The following B3GALT1 variants were observed in gnomAD, a reference collection of about 807,000 sequenced individuals.
B3GALT1 encodes the protein UDP-Gal:betaGlcNAc beta 1,3-galactosyltransferase, polypeptide 1.
In B3GALT1, 10 loss-of-function variants were observed where a neutral mutation model predicts 23.2. The ratio of observed to expected loss-of-function variants is 0.43; its 90% CI spans 0.27 to 0.73. B3GALT1 has a LOEUF of 0.73. Among genes scored for constraint, B3GALT1 ranks in the 30% least tolerant of loss-of-function variants. The pLI, the probability that B3GALT1 is intolerant of heterozygous loss-of-function variation, is 0.21. For synonymous variants in B3GALT1, 156 were observed against 141.5 expected, an observed-to-expected ratio of 1.10 and a Z score of -0.73; for missense variants, 299 against 405.4, an observed-to-expected ratio of 0.74 and a Z score of 2.25.
intron 1 of B3GALT1, among the ~76,000 whole-genome samples, chr2:167,349,887 CA>C (rs1406552835): frequency 1.3e-5 from 2 of 152,016 alleles, no homozygotes; most frequent in Non-Finnish European, 2.9e-5. Context: ...ACATCAATAG[CA>C]ATTTGTATTT....
At chr2:167,714,057 C>G in intron 3 of B3GALT1, 2 of 1,536,984 alleles carry the variant, frequency 1.3e-6, no homozygotes, top group South Asian at 1.1e-5. Context: ...TTTAAATGAC[C>G]AGGATCATCT....
At chr2:167,564,583 G>C (rs187937473) in intron 2 of B3GALT1, among the ~76,000 whole-genome samples, 1 of 152,152 alleles carries the variant, frequency 6.6e-6, no homozygotes, top group South Asian at 2.1e-4. Context: ...ACCGAGCACC[G>C]AGTGAACGAG....
intron 4 of B3GALT1, among the ~76,000 whole-genome samples, chr2:167,866,222 G>A (rs979387064): frequency 4.6e-5 from 7 of 152,200 alleles, no homozygotes; most frequent in African/African-American, 1.7e-4. Flanking sequence ...TGAGATTCAC[G>A]TTACGGCTAG....
chr2:167,780,569 A>G (rs969381181), intron 3 of B3GALT1, among the ~76,000 whole-genome samples: 1 of 152,204 alleles, frequency 6.6e-6, no homozygotes, highest in African/African-American at 2.4e-5. Flanking sequence ...GCATCTTGAC[A>G]AACTCTTAGA....
At chr2:167,350,681 G>A (rs1697295855) in intron 1 of B3GALT1, among the ~76,000 whole-genome samples, 1 of 152,180 alleles carries the variant, frequency 6.6e-6, no homozygotes, top group Non-Finnish European at 1.5e-5. Flanking sequence ...GTCCCCGTGG[G>A]GCAAGGGTTG....
At chr2:167,338,249 C>T (rs1697091309) in intron 1 of B3GALT1, among the ~76,000 whole-genome samples, 1 of 152,134 alleles carries the variant, frequency 6.6e-6, no homozygotes, top group Non-Finnish European at 1.5e-5. Context: ...GACTTTTAGT[C>T]ATCTTAGTTT....
chr2:167,349,802 G>T (rs969091886), intron 1 of B3GALT1, among the ~76,000 whole-genome samples: 1 of 152,106 alleles, frequency 6.6e-6, no homozygotes, highest in Non-Finnish European at 1.5e-5. Flanking sequence ...ATAACGGGGG[G>T]ATTGCTGCAC....
intron 3 of B3GALT1, among the ~76,000 whole-genome samples, chr2:167,789,420 C>T (rs1054957898): frequency 3.3e-5 from 5 of 152,110 alleles, no homozygotes; most frequent in East Asian, 1.9e-4. Context: ...ACCAACAACA[C>T]GAGCATGATA....
chr2:167,547,719 G>A (rs1410066500), intron 2 of B3GALT1, among the ~76,000 whole-genome samples: 1 of 142,050 alleles, frequency 7.0e-6, no homozygotes, highest in African/African-American at 2.9e-5. Flanking sequence ...AAAAAGAAGA[G>A]TCACAGAGGC....
chr2:167,464,844 C>T (rs1699320679), intron 1 of B3GALT1, among the ~76,000 whole-genome samples: 1 of 152,170 alleles, frequency 6.6e-6, no homozygotes. Context: ...TTATCCACAG[C>T]ATGATTGATC....
intron 1 of B3GALT1, among the ~76,000 whole-genome samples, chr2:167,437,126 T>A (rs1698798779): frequency 6.6e-6 from 1 of 152,104 alleles, no homozygotes; most frequent in African/African-American, 2.4e-5. Flanking sequence ...ATTTCTGAAT[T>A]CCCACTAGGT....
At chr2:167,501,299 T>C (rs963701027) in intron 2 of B3GALT1, among the ~76,000 whole-genome samples, 7 of 151,728 alleles carry the variant, frequency 4.6e-5, no homozygotes, top group African/African-American at 1.7e-4. Context: ...AAATAGCAAA[T>C]GAAAGCAAAT....
At chr2:167,806,134 G>T (rs920269797) in intron 3 of B3GALT1, among the ~76,000 whole-genome samples, 5 of 152,166 alleles carry the variant, frequency 3.3e-5, no homozygotes, top group Non-Finnish European at 7.3e-5. Context: ...CTGTTTGTCT[G>T]TTATTGGTGT....
intron 1 of B3GALT1, among the ~76,000 whole-genome samples, chr2:167,446,358 C>T (rs564519433): frequency 1.5e-4 from 23 of 152,228 alleles, no homozygotes; most frequent in African/African-American, 3.1e-4. Context: ...TTGGTCTTCT[C>T]GAGGAGTATC....
chr2:167,840,256 G>A (rs1263656192), intron 4 of B3GALT1, among the ~76,000 whole-genome samples: 2 of 151,932 alleles, frequency 1.3e-5, no homozygotes, highest in Non-Finnish European at 2.9e-5. Flanking sequence ...CACAAAATGG[G>A]AGAAAATTTT....
chr2:167,812,893 T>A (rs886136326), intron 3 of B3GALT1, among the ~76,000 whole-genome samples: 1 of 151,872 alleles, frequency 6.6e-6, no homozygotes, highest in Non-Finnish European at 1.5e-5. Context: ...TGCTCTTAAT[T>A]ATCAATACTC....
At position 167,305,995 on chromosome 2, in the gene B3GALT1, G is replaced by C. The variant is rs991866853; in HGVS notation, c.-511+12661G>C. 3.3e-5 allele frequency among the ~76,000 whole-genome samples: 5 copies of C among 152,078 alleles called. No individual in the cohort carries two copies. In the South Asian group the frequency reaches 8.3e-4, roughly 25 times the overall value. On this transcript the variant is annotated intron_variant, in intron 1 of 4. Coordinates refer to ENST00000392690, the MANE Select transcript of B3GALT1 (RefSeq NM_020981.4). Reference sequence around the variant, plus strand: ...ATACTCTTTGGTGCAATTGAAATCGGTATAGCCCTTTTGGAAAACAATTTG... The same window carrying C: ...ATACTCTTTGGTGCAATTGAAATCGCTATAGCCCTTTTGGAAAACAATTTG...
intron 2 of B3GALT1, among the ~76,000 whole-genome samples, chr2:167,644,754 T>C (rs1188547097): frequency 1.5e-5 from 2 of 131,232 alleles, no homozygotes. Context: ...CACTCCAGCC[T>C]GGGTGACAGA....
intron 3 of B3GALT1, among the ~76,000 whole-genome samples, chr2:167,757,475 A>G (rs1687836356): frequency 6.6e-6 from 1 of 152,172 alleles, no homozygotes; most frequent in South Asian, 2.1e-4. Flanking sequence ...AACCCCCACC[A>G]TTACACTGTA....
Sources: gnomAD v4.1 joint callset for allele counts (sites outside exome capture counted in the v4.1 genomes callset) on GRCh38, gnomAD v4.1.1 for gene constraint, MANE v1.5 for transcripts, NCBI Gene and HGNC (gene_info 2026-07-23, HGNC 2026-07-21) for gene names.